Variants in CAMTA1 observed in about 807,000 individuals in gnomAD.
CAMTA1 encodes calmodulin binding transcription activator 1, also known as calmodulin-binding transcription activator 1.
CAMTA1 carries 27 observed loss-of-function variants against 170.9 expected under a neutral mutation model. The observed-to-expected ratio is 0.16, with a 90% CI of 0.12 to 0.22. The LOEUF (loss-of-function observed/expected upper bound fraction) is 0.22. Ranked by LOEUF, CAMTA1 falls within the 10% of genes least tolerant of loss-of-function variation. The probability of loss-of-function intolerance (pLI) is 1.00; values close to 1 mark genes in which losing one functional copy is unlikely to be tolerated. For synonymous variants in CAMTA1, 833 were observed against 891.5 expected (o/e 0.93, Z 1.17); for missense variants, 1,619 against 2,217.2 (o/e 0.73, Z 5.42).
intron 7 of CAMTA1, among the ~76,000 whole-genome samples, chr1:7,654,201 T>A (rs1482491535): frequency 1.3e-5 from 2 of 151,958 alleles, no homozygotes; most frequent in Non-Finnish European, 2.9e-5. Flanking sequence ...ACCACCATGC[T>A]GAAACCCTGT....
chr1:7,167,129 T>C (rs1249613710), intron 4 of CAMTA1, among the ~76,000 whole-genome samples: 2 of 152,196 alleles, frequency 1.3e-5, no homozygotes, highest in Non-Finnish European at 2.9e-5. Flanking sequence ...TTAATTTAAT[T>C]TTATTTTTTA....
intron 6 of CAMTA1, among the ~76,000 whole-genome samples, chr1:7,589,100 G>GCCATCACATTTCCCC (rs1338605029): frequency 6.6e-6 from 1 of 152,218 alleles, no homozygotes; most frequent in Non-Finnish European, 1.5e-5. Flanking sequence ...GAATTGTAGT[G>GCCATCACATTTCCCC]CCATCACATT....
intron 6 of CAMTA1, among the ~76,000 whole-genome samples, chr1:7,517,821 G>C (rs879891914): frequency 1.3e-5 from 2 of 151,984 alleles, no homozygotes; most frequent in African/African-American, 2.4e-5. Flanking sequence ...CCTGGAGGAT[G>C]TCCAGGCAGA....
At chr1:6,906,482 T>C (rs957011630) in intron 3 of CAMTA1, among the ~76,000 whole-genome samples, 2 of 152,132 alleles carry the variant, frequency 1.3e-5, no homozygotes, top group African/African-American at 4.8e-5. Flanking sequence ...TCTACCCCAC[T>C]GACACAGAAA....
chr1:7,024,555 G>A (rs563969856), intron 3 of CAMTA1, among the ~76,000 whole-genome samples: 1 of 152,214 alleles, frequency 6.6e-6, no homozygotes, highest in Non-Finnish European at 1.5e-5. Context: ...GTGTGATGCT[G>A]GCCTTTAAGA....
rs975619530 is a variant in CAMTA1, at chr1:7,067,999, G to A, written c.235-23305G>A. ...GGGAGGCCGCTATGGTCACCTTGCA[G>A]CCATGTGGGTCCAGCCCAAGGTCAT... is the stretch of plus-strand genomic sequence containing the variant. On this transcript the variant is annotated intron_variant, in intron 3 of 22. Coordinates refer to ENST00000303635, the MANE Select transcript of CAMTA1 (RefSeq NM_015215.4). This position sits in a 1 kb window ranked among gnomAD's most constrained non-coding sequence, Gnocchi z 4.3. 1.3e-5 allele frequency among the ~76,000 whole-genome samples: 2 copies of A among 152,230 alleles called. No homozygotes were observed. The highest frequency in any genetic ancestry group is 6.5e-5 in the Admixed American group (1 of 15,290).
chr1:7,387,665 A>G (rs982532366), intron 5 of CAMTA1, among the ~76,000 whole-genome samples: 1 of 152,172 alleles, frequency 6.6e-6, no homozygotes, highest in Non-Finnish European at 1.5e-5. Context: ...AAAGCTGCAA[A>G]ACAGGTTTTA....
chr1:7,568,627 CA>C (rs1412219092), intron 6 of CAMTA1, among the ~76,000 whole-genome samples: 1 of 150,982 alleles, frequency 6.6e-6, no homozygotes, highest in Non-Finnish European at 1.5e-5. Flanking sequence ...ATCACCATCA[CA>C]TCACCATCAC....
At chr1:6,940,208 A>G (rs1463965678) in intron 3 of CAMTA1, among the ~76,000 whole-genome samples, 1 of 152,232 alleles carries the variant, frequency 6.6e-6, no homozygotes, top group African/African-American at 2.4e-5. Flanking sequence ...TCATGAGATT[A>G]TGGAGGCTGA....
chr1:7,297,187 T>C (rs1210807410), intron 5 of CAMTA1, among the ~76,000 whole-genome samples: 1 of 152,272 alleles, frequency 6.6e-6, no homozygotes, highest in Non-Finnish European at 1.5e-5. Context: ...GGTATATCTC[T>C]ATTCTAGATA....
At chr1:7,055,266 G>C (rs777259362) in intron 3 of CAMTA1, among the ~76,000 whole-genome samples, 21 of 152,234 alleles carry the variant, frequency 1.4e-4, no homozygotes, top group Admixed American at 5.9e-4. Context: ...CCAGCACATA[G>C]TATTAACTGG....
At chr1:7,026,375 C>G (rs1442625022) in intron 3 of CAMTA1, among the ~76,000 whole-genome samples, 2 of 152,068 alleles carry the variant, frequency 1.3e-5, no homozygotes, top group Non-Finnish European at 2.9e-5. Context: ...GTGGCACGGC[C>G]TCATGTGTGA....
chr1:7,531,779 G>C (rs1262814097), intron 6 of CAMTA1, among the ~76,000 whole-genome samples: 1 of 152,218 alleles, frequency 6.6e-6, no homozygotes, highest in African/African-American at 2.4e-5. Flanking sequence ...GTCCTTCCAT[G>C]CCGTGCCTGT....
chr1:7,432,317 G>A (rs896262154), intron 5 of CAMTA1, among the ~76,000 whole-genome samples: 12 of 152,322 alleles, frequency 7.9e-5, no homozygotes, highest in Admixed American at 4.6e-4. Context: ...TCACACAGCC[G>A]GAAAGTACTG....
At chr1:7,712,158 T>C (rs1287419903) in intron 11 of CAMTA1, among the ~76,000 whole-genome samples, 2 of 152,182 alleles carry the variant, frequency 1.3e-5, no homozygotes, top group Non-Finnish European at 2.9e-5. Flanking sequence ...AAAATAACTT[T>C]GGTAAATGGA....
chr1:7,718,349 C>T lies in CAMTA1; in HGVS notation c.2915-14099C>T, dbSNP rs562902050. ...CAAGTGGTGTTTTGATCATGCTAGG[C>T]GCCACCAAACAAGCCGCTGGTGCTT... On this transcript the variant is annotated intron_variant, in intron 11 of 22. Transcript: ENST00000303635. Among the ~76,000 whole-genome samples, 5 of 152,250 alleles carry T rather than the reference C, an allele frequency of 3.3e-5. No individual in the cohort carries two copies. In the South Asian group the frequency reaches 6.2e-4, roughly 19 times the overall value.
chr1:7,159,370 C>T (rs1286270151), intron 4 of CAMTA1, among the ~76,000 whole-genome samples: 1 of 152,062 alleles, frequency 6.6e-6, no homozygotes, highest in Non-Finnish European at 1.5e-5. Flanking sequence ...TTCCCTTCTC[C>T]CTGTCAGCCA....
intron 5 of CAMTA1, among the ~76,000 whole-genome samples, chr1:7,311,145 A>G (rs1262388041): frequency 6.6e-6 from 1 of 152,232 alleles, no homozygotes; most frequent in African/African-American, 2.4e-5. Context: ...CTGTAGGTTT[A>G]CGTCTTGTGC....
intron 22 of CAMTA1, among the ~76,000 whole-genome samples, chr1:7,761,562 T>G (rs2096976068): frequency 6.6e-6 from 1 of 152,156 alleles, no homozygotes; most frequent in East Asian, 1.9e-4. Flanking sequence ...ATAACAAAAG[T>G]TTATCATGCA....
Sources: gnomAD v4.1 joint callset for allele counts (sites outside exome capture counted in the v4.1 genomes callset) on GRCh38, gnomAD v4.1.1 for gene constraint, Gnocchi (gnomAD v3.1) non-coding constraint, MANE v1.5 for transcripts, NCBI Gene and HGNC (gene_info 2026-07-23, HGNC 2026-07-21) for gene names.